Variants in PTPRT observed in about 807,000 individuals in gnomAD.
The protein encoded by PTPRT is receptor-type tyrosine-protein phosphatase T.
Under a neutral mutation model 176.8 loss-of-function variants are expected in PTPRT, and 56 were observed. The observed-to-expected ratio is 0.32, with a 90% CI of 0.26 to 0.40. PTPRT has a LOEUF of 0.40. Ranked by LOEUF, PTPRT falls within the 10% of genes least tolerant of loss-of-function variation. The pLI is 1.00. For synonymous variants in PTPRT, 783 were observed against 739.0 expected (o/e 1.06, Z -0.96); for missense variants, 1,540 against 1,908.2 (o/e 0.81, Z 3.60).
rs142728595 is a variant in PTPRT at position 42,279,770 on chromosome 20, G to A, written c.2176+2719C>T. ...GTCAAGTTAGAATGATCCTGAATGA[G>A]TGCTTAGGGCTGTTACAACTGGCAA... On this transcript the variant is annotated intron_variant, in intron 13 of 30. Coordinates refer to ENST00000373187, the MANE Select transcript of PTPRT (RefSeq NM_007050.6). Among the ~76,000 whole-genome samples, 17 of 152,290 alleles carry A rather than the reference G, an allele frequency of 1.1e-4. No homozygotes were observed. The East Asian group carries it at 3.3e-3, about 29-fold the overall frequency.
chr20:43,079,091 C>G (rs1039497081), intron 1 of PTPRT, among the ~76,000 whole-genome samples: 1 of 152,080 alleles, frequency 6.6e-6, no homozygotes, highest in East Asian at 1.9e-4. Flanking sequence ...TTTTTAAGCA[C>G]GACCACCACC....
intron 7 of PTPRT, among the ~76,000 whole-genome samples, chr20:42,539,622 G>A (rs2072541721): frequency 6.6e-6 from 1 of 150,642 alleles, no homozygotes; most frequent in South Asian, 2.1e-4. Flanking sequence ...GCAATTTGGA[G>A]GGACTTGTTG....
At chr20:42,313,008 AGG>A (rs889387881) in intron 12 of PTPRT, among the ~76,000 whole-genome samples, 1 of 152,054 alleles carries the variant, frequency 6.6e-6, no homozygotes, top group Admixed American at 6.5e-5. Flanking sequence ...AGGATGAGAT[AGG>A]AAGTCGGTAC....
At chr20:42,420,454 C>G (rs1426874089) in intron 9 of PTPRT, among the ~76,000 whole-genome samples, 1 of 152,018 alleles carries the variant, frequency 6.6e-6, no homozygotes, top group African/African-American at 2.4e-5. Flanking sequence ...TTAGAAAACC[C>G]GGAGAGAGAG....
intron 18 of PTPRT, among the ~76,000 whole-genome samples, chr20:42,136,432 T>C (rs59610476): frequency 0.19 from 28,991 of 152,016 alleles, 2,928 homozygotes; most frequent in Middle Eastern, 0.22. Flanking sequence ...CATTCAATCT[T>C]GATTGAATTA....
At chr20:42,082,739 T>C (rs1470307672) in intron 29 of PTPRT, among the ~76,000 whole-genome samples, 1 of 152,212 alleles carries the variant, frequency 6.6e-6, no homozygotes, top group Admixed American at 6.5e-5. Context: ...TAAATCATCT[T>C]CATGGAAACA....
At chr20:42,639,275 A>G (rs1374320210) in intron 7 of PTPRT, among the ~76,000 whole-genome samples, 2 of 152,064 alleles carry the variant, frequency 1.3e-5, no homozygotes, top group East Asian at 3.9e-4. Flanking sequence ...ACTGGTAGTC[A>G]CTTGCTTTAA....
chr20:42,534,671 A>C (rs1002793628), intron 7 of PTPRT, among the ~76,000 whole-genome samples: 28 of 152,130 alleles, frequency 1.8e-4, no homozygotes, highest in African/African-American at 6.5e-4. Context: ...AGAGTGCTAC[A>C]GACCGCAGCC....
intron 1 of PTPRT, among the ~76,000 whole-genome samples, chr20:43,043,833 TGAA>T (rs1986730079): frequency 6.6e-6 from 1 of 152,100 alleles, no homozygotes; most frequent in African/African-American, 2.4e-5. Flanking sequence ...CTGAATACTG[TGAA>T]GAAGATGATT....
chr20:42,619,813 T>C (rs1247588156), intron 7 of PTPRT, among the ~76,000 whole-genome samples: 2 of 128,960 alleles, frequency 1.6e-5, no homozygotes, highest in Non-Finnish European at 3.2e-5. Context: ...AGCACTTCTC[T>C]GTATTGGTTA....
At chr20:42,991,991 G>A (rs1986820604) in intron 1 of PTPRT, among the ~76,000 whole-genome samples, 1 of 152,082 alleles carries the variant, frequency 6.6e-6, no homozygotes, top group African/African-American at 2.4e-5. Flanking sequence ...CTGTTGAGAT[G>A]AGAATAGAAA....
chr20:42,619,240 C>A (rs1178196414), intron 7 of PTPRT, among the ~76,000 whole-genome samples: 1 of 143,062 alleles, frequency 7.0e-6, no homozygotes, highest in African/African-American at 2.8e-5. Flanking sequence ...GTTGAAAATT[C>A]TTTTCTTTAA....
rs753976833 is a variant in PTPRT at position 42,837,329 on chromosome 20, T to C, written c.215-45863A>G. On this transcript the variant is annotated intron_variant, in intron 2 of 30. Transcript: ENST00000373187. Reference sequence around the variant, plus strand: ...CACAGGTCCCCTCACCTTGTTCTGATGTGGGCATGGTCTTCTGCTGGGAAA... The same window carrying C: ...CACAGGTCCCCTCACCTTGTTCTGACGTGGGCATGGTCTTCTGCTGGGAAA... Among the ~76,000 whole-genome samples, 153 of 152,298 alleles carry C rather than the reference T, an allele frequency of 1.0e-3. 1 individual carries two copies. Among genetic ancestry groups the C allele is most frequent in the Non-Finnish European group, 9.1e-4 (62 of 68,020 alleles).
intron 1 of PTPRT, among the ~76,000 whole-genome samples, chr20:42,898,908 T>G (rs2079351224): frequency 6.6e-6 from 1 of 151,958 alleles, no homozygotes; most frequent in Admixed American, 6.6e-5. Flanking sequence ...TTGAAACGAG[T>G]GAAGATGCTT....
At chr20:42,631,427 A>G (rs1484758467) in intron 7 of PTPRT, among the ~76,000 whole-genome samples, 1 of 152,080 alleles carries the variant, frequency 6.6e-6, no homozygotes, top group Non-Finnish European at 1.5e-5. Flanking sequence ...ATATTGCCAC[A>G]TGTTATGTTC....
chr20:43,180,003 G>A (rs2015211167), intron 1 of PTPRT, among the ~76,000 whole-genome samples: 1 of 152,194 alleles, frequency 6.6e-6, no homozygotes. Context: ...TTCTGGAAGA[G>A]ATCAGCATTT....
chr20:42,620,941 C>T (rs563326809), intron 7 of PTPRT, among the ~76,000 whole-genome samples: 2 of 152,290 alleles, frequency 1.3e-5, no homozygotes, highest in East Asian at 1.9e-4. Context: ...GGAGGTGTTC[C>T]TATTCGGCCA....
the PTPRT span, among the ~76,000 whole-genome samples, chr20:42,067,300 C>A: frequency 6.6e-6 from 1 of 152,148 alleles, no homozygotes; most frequent in Non-Finnish European, 1.5e-5. Context: ...AGGTTTGTAT[C>A]GGCATTTAGT....
At chr20:42,303,438 T>G (rs1568755833) in intron 12 of PTPRT, among the ~76,000 whole-genome samples, 1 of 152,144 alleles carries the variant, frequency 6.6e-6, no homozygotes, top group Non-Finnish European at 1.5e-5. Context: ...CTGGTTCTAG[T>G]GCACCCATAT....
Sources: gnomAD v4.1 joint callset for allele counts (sites outside exome capture counted in the v4.1 genomes callset) on GRCh38, gnomAD v4.1.1 for gene constraint, MANE v1.5 for transcripts, NCBI Gene and HGNC (gene_info 2026-07-23, HGNC 2026-07-21) for gene names.